LRFN5: variants seen among roughly 807,000 people sequenced by gnomAD.
The protein encoded by LRFN5 is leucine rich repeat and fibronectin type III domain containing 5.
A neutral mutation model predicts 45.6 loss-of-function variants in LRFN5; 24 were observed. The ratio of observed to expected loss-of-function variants is 0.53; its 90% CI spans 0.38 to 0.74. The LOEUF is 0.74. Ranked by LOEUF, LRFN5 falls within the 30% of genes least tolerant of loss-of-function variation. The probability of loss-of-function intolerance (pLI) is 0.00; values close to 1 mark genes in which losing one functional copy is unlikely to be tolerated. For synonymous variants in LRFN5, 340 were observed against 313.8 expected, an observed-to-expected ratio of 1.08 and a Z score of -0.88; for missense variants, 776 against 861.5, an observed-to-expected ratio of 0.90 and a Z score of 1.24.
chr14:41,863,112 C>CCTCAGCCT (rs1191836878), intron 2 of LRFN5, among the ~76,000 whole-genome samples: 2 of 152,116 alleles, frequency 1.3e-5, no homozygotes, highest in African/African-American at 4.8e-5. Flanking sequence ...GATCCGCCCG[C>CCTCAGCCT]CTCAGCCTCC....
chr14:41,693,506 T>G (rs1364314638), intron 1 of LRFN5, among the ~76,000 whole-genome samples: 1 of 152,052 alleles, frequency 6.6e-6, no homozygotes, highest in East Asian at 1.9e-4. Flanking sequence ...TTTGGACGTT[T>G]GAATGTGGTG....
intron 1 of LRFN5, among the ~76,000 whole-genome samples, chr14:41,756,982 AC>A (rs1483396988): frequency 6.6e-6 from 1 of 151,574 alleles, no homozygotes; most frequent in Non-Finnish European, 1.5e-5. Flanking sequence ...AACTGTCAGG[AC>A]CCCCAGCTGC....
chr14:41,673,554 C>T (rs71409479), intron 1 of LRFN5, among the ~76,000 whole-genome samples: 26,735 of 138,910 alleles, frequency 0.19, 2,418 homozygotes, highest in South Asian at 0.3. Flanking sequence ...CCGGACGGGG[C>T]GGCTGGCCGG....
At chr14:41,806,041 G>A (rs1887514572) in intron 2 of LRFN5, among the ~76,000 whole-genome samples, 1 of 152,096 alleles carries the variant, frequency 6.6e-6, no homozygotes, top group South Asian at 2.1e-4. Flanking sequence ...CTGTTTGCTA[G>A]CCCCTGGCAG....
chr14:41,676,880 A>G (rs1881656960), intron 1 of LRFN5, among the ~76,000 whole-genome samples: 1 of 152,220 alleles, frequency 6.6e-6, no homozygotes, highest in Admixed American at 6.5e-5. Flanking sequence ...CTCAAGCTGT[A>G]CCTTCTTGGA....
chr14:41,632,296 G>A (rs564400659), intron 1 of LRFN5, among the ~76,000 whole-genome samples: 1 of 151,736 alleles, frequency 6.6e-6, no homozygotes, highest in East Asian at 1.9e-4. Context: ...ATCTCATAAC[G>A]GCCCTTTAAA....
intron 1 of LRFN5, among the ~76,000 whole-genome samples, chr14:41,634,742 C>G (rs958293863): frequency 6.6e-6 from 1 of 152,066 alleles, no homozygotes; most frequent in African/African-American, 2.4e-5. Flanking sequence ...GGGTTTGGGT[C>G]TGTTTTAATT....
intron 1 of LRFN5, among the ~76,000 whole-genome samples, chr14:41,759,222 C>T (rs527766772): frequency 6.6e-6 from 1 of 152,136 alleles, no homozygotes; most frequent in African/African-American, 2.4e-5. Context: ...ATTTCTCACA[C>T]CCATATTGCT....
At chr14:41,818,502 C>A (rs536110228) in intron 2 of LRFN5, among the ~76,000 whole-genome samples, 1 of 151,900 alleles carries the variant, frequency 6.6e-6, no homozygotes, top group East Asian at 1.9e-4. Flanking sequence ...TACACACACA[C>A]AAACACACAC....
intron 2 of LRFN5, among the ~76,000 whole-genome samples, chr14:41,820,862 AT>A (rs1197597626): frequency 6.6e-6 from 1 of 151,898 alleles, no homozygotes; most frequent in Non-Finnish European, 1.5e-5. Context: ...GAGATATTTT[AT>A]TTTTTGTAGC....
intron 1 of LRFN5, among the ~76,000 whole-genome samples, chr14:41,727,357 A>G (rs1018549025): frequency 1.3e-5 from 2 of 152,106 alleles, no homozygotes; most frequent in African/African-American, 2.4e-5. Context: ...TAATCTTAGC[A>G]CTTTAGCAGG....
chr14:41,703,405 A>G (rs1882917829), intron 1 of LRFN5, among the ~76,000 whole-genome samples: 1 of 152,154 alleles, frequency 6.6e-6, no homozygotes, highest in South Asian at 2.1e-4. Context: ...CCATGAAGTG[A>G]CAACATTTTG....
intron 2 of LRFN5, among the ~76,000 whole-genome samples, chr14:41,798,764 A>G (rs1313242362): frequency 3.3e-5 from 5 of 151,760 alleles, no homozygotes; most frequent in Admixed American, 6.6e-5. Flanking sequence ...GCCTTTTATC[A>G]TGTTTTTCTT....
chr14:41,806,873 A>G (rs1887543902), intron 2 of LRFN5, among the ~76,000 whole-genome samples: 2 of 152,108 alleles, frequency 1.3e-5, no homozygotes, highest in Admixed American at 1.3e-4. Context: ...TGGAGACTAA[A>G]CCTTTAACAG....
At chr14:41,617,716 A>G (rs1226565475) in intron 1 of LRFN5, among the ~76,000 whole-genome samples, 1 of 152,172 alleles carries the variant, frequency 6.6e-6, no homozygotes, top group Non-Finnish European at 1.5e-5. Context: ...TTGATAAAAT[A>G]GTGTGATTTT....
chr14:41,873,544 A>G (rs528735087), intron 2 of LRFN5, among the ~76,000 whole-genome samples: 1 of 152,148 alleles, frequency 6.6e-6, no homozygotes, highest in African/African-American at 2.4e-5. Context: ...CTTTCCACCC[A>G]CACACATTCT....
chr14:41,887,084 T>A lies in LRFN5; in HGVS notation c.459T>A (p.Asp153Glu). The A allele has an allele frequency of 6.2e-7, 1 of 1,614,036 alleles. No individual in the cohort carries two copies. The highest frequency in any genetic ancestry group is 8.5e-7 in the Non-Finnish European group (1 of 1,180,024). ...FDDVFALEEL[D>E]LSYNNLETIP... ...ATGTCTTCGCCCTTGAGGAGCTGGA[T>A]CTGTCCTATAATAATCTAGAAACCA... The change falls in exon 3 of 6, where the codon GAT becomes GAA. Residue 153 changes from aspartate (D) to glutamate (E), a missense_variant. By Grantham distance (45) the Asp-to-Glu change is conservative. This residue lies in a region of LRFN5 where 311 missense variants were observed against 405.1 expected (regional missense o/e 0.77). Transcript: ENST00000298119. The surrounding 1 kb of genome is among the most constrained non-coding windows in gnomAD (Gnocchi z 4.8).
chr14:41,711,684 C>G (rs1165129762), intron 1 of LRFN5, among the ~76,000 whole-genome samples: 1 of 151,916 alleles, frequency 6.6e-6, no homozygotes, highest in African/African-American at 2.4e-5. Flanking sequence ...CTAAAGAAAA[C>G]CTTAAAAAGA....
chr14:41,729,821 T>A (rs1160477922), intron 1 of LRFN5, among the ~76,000 whole-genome samples: 1 of 152,002 alleles, frequency 6.6e-6, no homozygotes, highest in Non-Finnish European at 1.5e-5. Flanking sequence ...TTTAAAAAAA[T>A]ACTCAAATAT....
Sources: gnomAD v4.1 joint callset for allele counts (sites outside exome capture counted in the v4.1 genomes callset) on GRCh38, gnomAD v4.1.1 for gene constraint, gnomAD v4.1.1 regional missense constraint, Gnocchi (gnomAD v3.1) non-coding constraint, MANE v1.5 for transcripts, NCBI Gene and HGNC (gene_info 2026-07-23, HGNC 2026-07-21) for gene names.